The following MEMO1 variants were observed in gnomAD, a reference collection of about 807,000 sequenced individuals.
The protein encoded by MEMO1 is protein MEMO1.
A neutral mutation model predicts 45.2 loss-of-function variants in MEMO1; 6 were observed. The ratio of observed to expected loss-of-function variants is 0.13; its 90% CI spans 0.07 to 0.26. MEMO1 has a LOEUF of 0.26. Ranked by LOEUF, MEMO1 falls within the 10% of genes least tolerant of loss-of-function variation. MEMO1 has a pLI of 1.00. For synonymous variants in MEMO1, 78 were observed against 124.3 expected, an observed-to-expected ratio of 0.63 and a Z score of 2.48; for missense variants, 184 against 370.5, an observed-to-expected ratio of 0.50 and a Z score of 4.13.
intron 2 of MEMO1, among the ~76,000 whole-genome samples, chr2:31,986,447 G>A (rs1432197328): frequency 6.6e-6 from 1 of 152,214 alleles, no homozygotes; most frequent in East Asian, 1.9e-4. Flanking sequence ...ACTGCAGCCT[G>A]AGCGAAAGTG....
intron 6 of MEMO1, 39 bp from the exon 7 acceptor site, chr2:31,892,173 T>C (rs986689733): frequency 1.6e-5 from 24 of 1,534,832 alleles, no homozygotes; most frequent in Admixed American, 2.0e-5. Flanking sequence ...TCATTTAAGA[T>C]GCTTAAATGA....
intron 2 of MEMO1, among the ~76,000 whole-genome samples, chr2:31,982,374 G>A (rs184225300): frequency 8.3e-4 from 125 of 150,794 alleles, no homozygotes; most frequent in African/African-American, 2.7e-3. Flanking sequence ...GGCAGATCAC[G>A]AGGTCAGAAG....
intron 4 of MEMO1, among the ~76,000 whole-genome samples, chr2:31,921,754 G>C (rs1682336772): frequency 6.6e-6 from 1 of 152,032 alleles, no homozygotes; most frequent in African/African-American, 2.4e-5. Context: ...TTCCATGGTA[G>C]GGTGAAAAAG....
chr2:31,994,543 A>T (rs1672334223), intron 2 of MEMO1, among the ~76,000 whole-genome samples: 1 of 151,404 alleles, frequency 6.6e-6, no homozygotes, highest in Non-Finnish European at 1.5e-5. Flanking sequence ...GGCACAAGAC[A>T]TCACTTGAAC....
chr2:31,932,168 C>T, intron 3 of MEMO1, 33 bp from the exon 4 acceptor site: 1 of 1,578,244 alleles, frequency 6.3e-7, no homozygotes, highest in Non-Finnish European at 8.7e-7. Flanking sequence ...ACTTAATCAT[C>T]AGATTCAAAA....
intron 2 of MEMO1, among the ~76,000 whole-genome samples, chr2:31,968,085 A>C: frequency 6.6e-6 from 1 of 152,154 alleles, no homozygotes; most frequent in African/African-American, 2.4e-5. Flanking sequence ...TGTGTGTCTC[A>C]ATCTGTAGGT....
At chr2:31,896,060 G>A (rs1677753952) in intron 6 of MEMO1, among the ~76,000 whole-genome samples, 1 of 151,560 alleles carries the variant, frequency 6.6e-6, no homozygotes, top group South Asian at 2.1e-4. Context: ...AGCCAGGATG[G>A]TCTCGATCTC....
intron 6 of MEMO1, among the ~76,000 whole-genome samples, chr2:31,914,596 T>C (rs559272190): frequency 4.6e-5 from 7 of 152,268 alleles, no homozygotes; most frequent in African/African-American, 1.7e-4. Flanking sequence ...AAACTTCTCA[T>C]GTACCCCATA....
At chr2:31,885,924 GA>G (rs1238909515) in intron 7 of MEMO1, among the ~76,000 whole-genome samples, 1 of 152,296 alleles carries the variant, frequency 6.6e-6, no homozygotes, top group African/African-American at 2.4e-5. Context: ...AACAGTAAGT[GA>G]AAAGTCTATA....
chr2:31,889,713 C>A (rs536404593), intron 7 of MEMO1, among the ~76,000 whole-genome samples: 72 of 152,082 alleles, frequency 4.7e-4, no homozygotes, highest in African/African-American at 1.6e-3. Context: ...TTTCACTTAT[C>A]CCCAGAACCC....
intron 2 of MEMO1, among the ~76,000 whole-genome samples, chr2:31,968,205 A>G (rs1448687393): frequency 1.3e-5 from 2 of 152,200 alleles, no homozygotes; most frequent in Non-Finnish European, 1.5e-5. Flanking sequence ...TCTCAAACCA[A>G]TGAACATCTG....
At chr2:31,993,945 C>CTTTTTTTTTTTTT (rs1558562652) in intron 2 of MEMO1, among the ~76,000 whole-genome samples, 3 of 124,580 alleles carry the variant, frequency 2.4e-5, no homozygotes, top group African/African-American at 9.2e-5. Flanking sequence ...ATCATCAATA[C>CTTTTTTTTTTTTT]TTTCTTTTTT....
chr2:31,886,800 C>T (rs1352340920), intron 7 of MEMO1, among the ~76,000 whole-genome samples: 1 of 152,108 alleles, frequency 6.6e-6, no homozygotes, highest in African/African-American at 2.4e-5. Flanking sequence ...GAAACTTATC[C>T]TTTCAGAAGG....
intron 2 of MEMO1, among the ~76,000 whole-genome samples, chr2:32,003,108 GAC>G (rs1468649227): frequency 6.6e-6 from 1 of 151,842 alleles, no homozygotes; most frequent in Non-Finnish European, 1.5e-5. Flanking sequence ...GTATTATTTT[GAC>G]ACTCTATCTT....
chr2:31,880,917 G>C (rs1163660062), intron 8 of MEMO1, among the ~76,000 whole-genome samples: 3 of 152,060 alleles, frequency 2.0e-5, no homozygotes, highest in Middle Eastern at 3.4e-3. Flanking sequence ...CCAGCTACTT[G>C]GGTGGCTGAA....
At chr2:31,943,518 T>A in intron 2 of MEMO1, 135 bp from the exon 3 acceptor site, 1 of 692,316 alleles carries the variant, frequency 1.4e-6, no homozygotes, top group Non-Finnish European at 2.6e-6. Flanking sequence ...AGTTGGGATG[T>A]TAATGTTTGA....
At position 32,010,102 on chromosome 2, in the gene MEMO1, G is replaced by A. The variant is rs1022749196; in HGVS notation, c.61+85C>T. The A allele has an allele frequency of 1.5e-5, 10 of 680,500 alleles. No homozygotes were observed. In the African/African-American group the frequency reaches 2.0e-4, roughly 13 times the overall value. The allele number at this position is 680,500 out of a possible 1,614,324, so 42.2% of individuals were successfully genotyped here. The stretch of plus-strand genomic sequence containing the variant: ...GCCCTCTTCCCCGCCCGCCGCCGCC[G>A]CGGGGCCGGGCCGCCGACCTCGGCC... On this transcript the variant is annotated intron_variant, in intron 2 of 9. Coordinates refer to ENST00000404530, the MANE Select transcript of MEMO1 (RefSeq NM_001301833.4).
intron 3 of MEMO1, among the ~76,000 whole-genome samples, chr2:31,934,741 T>A (rs1289042887): frequency 6.6e-6 from 1 of 152,046 alleles, no homozygotes; most frequent in African/African-American, 2.4e-5. Context: ...TGGGCAGGGG[T>A]GTGACAATAT....
intron 8 of MEMO1, among the ~76,000 whole-genome samples, chr2:31,877,869 C>A (rs958948664): frequency 6.6e-6 from 1 of 152,006 alleles, no homozygotes; most frequent in African/African-American, 2.4e-5. Flanking sequence ...TTTTAAACTG[C>A]GTACAGGAAG....
Sources: gnomAD v4.1 joint callset for allele counts (sites outside exome capture counted in the v4.1 genomes callset) on GRCh38, gnomAD v4.1.1 for gene constraint, MANE v1.5 for transcripts, NCBI Gene and HGNC (gene_info 2026-07-23, HGNC 2026-07-21) for gene names.